Variants in NR4A1 observed in about 807,000 individuals in gnomAD.
NR4A1 encodes nuclear receptor subfamily 4immunitygroup A member 1.
Under a neutral mutation model 47.5 loss-of-function variants are expected in NR4A1, and 24 were observed. The ratio of observed to expected loss-of-function variants is 0.50; its 90% CI spans 0.37 to 0.71. The LOEUF is 0.71. Among genes scored for constraint, NR4A1 ranks in the 30% least tolerant of loss-of-function variants. NR4A1 has a pLI of 0.00. For missense variants in NR4A1, 669 were observed against 788.6 expected (o/e 0.85, Z 1.82); for synonymous variants, 353 against 345.7 (o/e 1.02, Z -0.24).
At chr12:52,045,716 G>A (rs1938608611) in intron 2 of NR4A1, 1 of 310,882 alleles carries the variant, frequency 3.2e-6, no homozygotes, top group African/African-American at 2.2e-5. Context: ...CCCCTGCTGA[G>A]AGCTGAGGGG....
intron 5 of NR4A1, 34 bp downstream of exon 5, chr12:52,057,293 C>G: frequency 6.2e-7 from 1 of 1,613,746 alleles, no homozygotes. Context: ...CAGCCCCTTT[C>G]CCTGATACAC....
chr12:52,051,770 C>T (rs950885380), intron 1 of NR4A1, among the ~76,000 whole-genome samples: 3 of 152,124 alleles, frequency 2.0e-5, no homozygotes, highest in Admixed American at 6.5e-5. Flanking sequence ...GGTTGACTAC[C>T]TGCAAAGTGG....
intron 2 of NR4A1, chr12:52,055,477 C>G: frequency 3.5e-6 from 2 of 578,698 alleles, no homozygotes; most frequent in South Asian, 4.5e-5. Context: ...GGGTGCCTGG[C>G]GAGCCTCTGG....
At chr12:52,050,231 C>T (rs528687522), upstream of NR4A1, among the ~76,000 whole-genome samples, 175 of 152,306 alleles carry the variant, frequency 1.1e-3, no homozygotes, top group African/African-American at 4.0e-3. Flanking sequence ...CCAGCAGGGC[C>T]CTGGCGGGCT....
At chr12:52,040,313 G>A (rs1938386403) in intron 1 of NR4A1, among the ~76,000 whole-genome samples, 2 of 152,310 alleles carry the variant, frequency 1.3e-5, no homozygotes, top group African/African-American at 4.8e-5. Context: ...CCAAACTCTG[G>A]CCCCCGTTCT....
intron 4 of NR4A1, 167 bp downstream of exon 4, chr12:52,056,812 C>T: frequency 1.1e-6 from 1 of 908,872 alleles, no homozygotes; most frequent in East Asian, 2.7e-5. Flanking sequence ...AAGAGAGGAT[C>T]CCCCTCTCGG....
At chr12:52,026,262 G>T (rs146395772) in intron 1 of NR4A1, among the ~76,000 whole-genome samples, 2 of 152,356 alleles carry the variant, frequency 1.3e-5, no homozygotes, top group African/African-American at 4.8e-5. Context: ...TAGTGCAGCA[G>T]ATTGACAACA....
chr12:52,041,984 G>A (rs1343994088), intron 2 of NR4A1: 3 of 1,268,098 alleles, frequency 2.4e-6, no homozygotes, highest in African/African-American at 1.5e-5. Flanking sequence ...GGGTTGGGGG[G>A]CAGAGGTGGG....
At position 52,059,096 on chromosome 12, in the gene NR4A1, C is replaced by G. The variant is rs1245956459; in HGVS notation, c.*152C>G. On this transcript the variant is annotated 3_prime_UTR_variant, in exon 7 of 7. Transcript: ENST00000394825. ...TGCTCCAGGAGGTTTGCAGGGAGCTCAAGCCCTTGGGGAGGGGGATGCCTT... is the reference window on the plus strand; with the variant it reads ...TGCTCCAGGAGGTTTGCAGGGAGCTGAAGCCCTTGGGGAGGGGGATGCCTT... The G allele has an allele frequency of 1.1e-5, 11 of 1,028,808 alleles. No homozygotes were observed. The highest frequency in any genetic ancestry group is 1.4e-5 in the Non-Finnish European group (10 of 728,186). 63.7% of individuals were successfully genotyped at this position (1,028,808 alleles called of 1,614,324 possible).
chr12:52,031,407 C>T (rs573289637), intron 1 of NR4A1, among the ~76,000 whole-genome samples: 5 of 151,432 alleles, frequency 3.3e-5, no homozygotes, highest in Admixed American at 6.6e-5. Flanking sequence ...GAGGCCGAGG[C>T]GGGCAGATCA....
chr12:52,057,892 G>A (rs370136054), intron 6 of NR4A1, among the ~76,000 whole-genome samples: 200 of 152,252 alleles, frequency 1.3e-3, no homozygotes, highest in South Asian at 0.012. Flanking sequence ...CCCAACCAGC[G>A]CCTTGGTCAA....
At chr12:52,041,984 GC>G in intron 2 of NR4A1, 1 of 1,268,216 alleles carries the variant, frequency 7.9e-7, no homozygotes, top group Non-Finnish European at 1.0e-6. Flanking sequence ...GGGTTGGGGG[GC>G]AGAGGTGGGG....
intron 2 of NR4A1, among the ~76,000 whole-genome samples, chr12:52,046,311 A>C (rs1262536975): frequency 6.6e-6 from 1 of 152,194 alleles, no homozygotes; most frequent in Non-Finnish European, 1.5e-5. Flanking sequence ...CTGAGGATGC[A>C]CAAAGGATCT....
rs7312343 is a variant in NR4A1 at position 52,058,032 on chromosome 12, C to T, written c.1540+502C>T. On this transcript the variant is annotated intron_variant, in intron 6 of 6. Transcript: ENST00000394825. ...AAGATGGGAATCTCACTATGTTGCC[C>T]GAGCTGGTCTCGAACTCCTGGGCTC... Among the ~76,000 whole-genome samples the T allele has an allele frequency of 3.1e-3, 469 of 152,122 alleles. 1 individual carries two copies. Among genetic ancestry groups the T allele is most frequent in the African/African-American group, 7.9e-3 (326 of 41,490 alleles).
At chr12:52,035,384 C>G (rs1283481967) in intron 1 of NR4A1, among the ~76,000 whole-genome samples, 1 of 151,948 alleles carries the variant, frequency 6.6e-6, no homozygotes, top group Non-Finnish European at 1.5e-5. Context: ...AAACTGGTAA[C>G]TGAGCCCTTT....
chr12:52,029,977 G>A (rs1027612065), intron 1 of NR4A1, among the ~76,000 whole-genome samples: 1 of 152,232 alleles, frequency 6.6e-6, no homozygotes, highest in South Asian at 2.1e-4. Context: ...GGCGGTGGCT[G>A]CTGGCCAGCA....
intron 1 of NR4A1, among the ~76,000 whole-genome samples, chr12:52,052,864 AGGGTGCTGCATGCCTGT>A (rs1247767450): frequency 1.3e-5 from 2 of 152,142 alleles, no homozygotes; most frequent in African/African-American, 4.8e-5. Flanking sequence ...CACCTCTCGC[AGGGTGCTGCATGCCTGT>A]GGACTGGTGC....
intron 1 of NR4A1, chr12:52,052,566 C>T (rs1008337175): frequency 4.1e-6 from 4 of 985,570 alleles, no homozygotes; most frequent in Non-Finnish European, 4.8e-6. Context: ...CTGCCTGAAG[C>T]CGGATTCTCC....
chr12:52,033,652 AGT>A (rs1938178876), intron 1 of NR4A1, among the ~76,000 whole-genome samples: 1 of 152,156 alleles, frequency 6.6e-6, no homozygotes. Context: ...CAATCTGGAG[AGT>A]GTAACCCCAT....
Sources: gnomAD v4.1 joint callset for allele counts (sites outside exome capture counted in the v4.1 genomes callset) on GRCh38, gnomAD v4.1.1 for gene constraint, MANE v1.5 for transcripts, NCBI Gene and HGNC (gene_info 2026-07-23, HGNC 2026-07-21) for gene names.